ARB2A: variants seen among roughly 807,000 people sequenced by gnomAD.
ARB2A encodes cotranscriptional regulator ARB2A.
At chr5:93,626,779 C>T in the ARB2A span, among the ~76,000 whole-genome samples, 15 of 152,240 alleles carry the variant, frequency 9.9e-5, no homozygotes, top group African/African-American at 1.9e-4. Flanking sequence ...GGCTGCTGAC[C>T]GATCAGAGTG....
the ARB2A span, among the ~76,000 whole-genome samples, chr5:93,692,013 C>T: frequency 6.6e-6 from 1 of 152,194 alleles, no homozygotes; most frequent in Admixed American, 6.5e-5. Context: ...CTTACAAGAG[C>T]TCCTGAAGGA....
the ARB2A span, among the ~76,000 whole-genome samples, chr5:93,677,778 G>C: frequency 6.6e-6 from 1 of 152,144 alleles, no homozygotes; most frequent in Non-Finnish European, 1.5e-5. Context: ...CTTATGCTTA[G>C]GGATAAGCAA....
chr5:93,763,659 A>T, the ARB2A span, among the ~76,000 whole-genome samples: 1 of 152,168 alleles, frequency 6.6e-6, no homozygotes, highest in Non-Finnish European at 1.5e-5. Flanking sequence ...GTTAACAAGG[A>T]TACCCAGGAA....
the ARB2A span, among the ~76,000 whole-genome samples, chr5:93,897,568 TA>T: frequency 6.6e-6 from 1 of 151,956 alleles, no homozygotes; most frequent in Non-Finnish European, 1.5e-5. Flanking sequence ...GTTTTAAGCT[TA>T]AAAAGTAGTT....
chr5:93,782,515 T>C, the ARB2A span, among the ~76,000 whole-genome samples: 1 of 152,182 alleles, frequency 6.6e-6, no homozygotes, highest in Non-Finnish European at 1.5e-5. Flanking sequence ...TTCCAGTATG[T>C]CACCCCGTTT....
chr5:94,012,472 T>C, the ARB2A span, among the ~76,000 whole-genome samples: 2 of 152,224 alleles, frequency 1.3e-5, no homozygotes, highest in Non-Finnish European at 2.9e-5. Flanking sequence ...TTTGTGTTTC[T>C]TCTCTTACTC....
the ARB2A span, among the ~76,000 whole-genome samples, chr5:93,621,597 C>CG: frequency 6.6e-6 from 1 of 152,342 alleles, no homozygotes; most frequent in South Asian, 2.1e-4. Context: ...TCGGCGCGCG[C>CG]GGGGATTGGT....
At chr5:94,053,110 T>G in the ARB2A span, 4 of 1,416,260 alleles carry the variant, frequency 2.8e-6, no homozygotes, top group African/African-American at 5.9e-5. Flanking sequence ...GATAGATAGA[T>G]AGATAACCCA....
At chr5:93,701,558 A>T in the ARB2A span, among the ~76,000 whole-genome samples, 1 of 152,004 alleles carries the variant, frequency 6.6e-6, no homozygotes, top group Non-Finnish European at 1.5e-5. Flanking sequence ...CTCCTTCAAA[A>T]TTCCAAACCA....
At chr5:93,770,103 AT>A in the ARB2A span, among the ~76,000 whole-genome samples, 1 of 152,164 alleles carries the variant, frequency 6.6e-6, no homozygotes. Context: ...ATCTTTAGAA[AT>A]AGATGCTCTT....
the ARB2A span, among the ~76,000 whole-genome samples, chr5:93,847,777 G>T: frequency 6.6e-6 from 1 of 152,262 alleles, no homozygotes; most frequent in Admixed American, 6.5e-5. Flanking sequence ...GCACAGAAAG[G>T]TTGAATCACT....
the ARB2A span, among the ~76,000 whole-genome samples, chr5:93,775,190 C>T: frequency 2.6e-5 from 4 of 151,814 alleles, no homozygotes; most frequent in Admixed American, 6.6e-5. Flanking sequence ...ATGACAGTGA[C>T]GTTTAATTAT....
the ARB2A span, among the ~76,000 whole-genome samples, chr5:93,892,147 A>G: frequency 6.6e-6 from 1 of 152,226 alleles, no homozygotes; most frequent in Non-Finnish European, 1.5e-5. Flanking sequence ...GTTGAAGTGC[A>G]GAATCTGCTT....
At chr5:93,724,734 G>A in the ARB2A span, among the ~76,000 whole-genome samples, 1 of 151,982 alleles carries the variant, frequency 6.6e-6, no homozygotes, top group African/African-American at 2.4e-5. Context: ...TACATATACA[G>A]TGTTTTGTTT....
At chr5:93,709,020 T>C in the ARB2A span, among the ~76,000 whole-genome samples, 2 of 151,970 alleles carry the variant, frequency 1.3e-5, no homozygotes, top group African/African-American at 4.8e-5. Context: ...GTAAGTGTTC[T>C]TACCACCCAC....
the ARB2A span, among the ~76,000 whole-genome samples, chr5:93,690,523 G>A: frequency 6.6e-6 from 1 of 152,120 alleles, no homozygotes; most frequent in Non-Finnish European, 1.5e-5. Context: ...CTCTGGGCAG[G>A]GCATCTCTGA....
chr5:94,042,082 T>C, the ARB2A span, among the ~76,000 whole-genome samples: 1 of 152,216 alleles, frequency 6.6e-6, no homozygotes, highest in Non-Finnish European at 1.5e-5. Flanking sequence ...GTGAATTTCC[T>C]GCCTAGATTA....
At chr5:94,016,330 A>G in the ARB2A span, among the ~76,000 whole-genome samples, 1 of 152,210 alleles carries the variant, frequency 6.6e-6, no homozygotes, top group Non-Finnish European at 1.5e-5. Flanking sequence ...AAGTATTATG[A>G]AAGTGGCTAA....
At chr5:93,659,485 T>C in the ARB2A span, among the ~76,000 whole-genome samples, 1 of 152,122 alleles carries the variant, frequency 6.6e-6, no homozygotes. Flanking sequence ...AAACTGAGTT[T>C]GGGAGATGTT....
Sources: allele counts gnomAD v4.1 joint callset (sites outside exome capture counted in the v4.1 genomes callset), GRCh38; gene constraint gnomAD v4.1.1; transcripts MANE v1.5; gene names NCBI Gene and HGNC (gene_info 2026-07-23, HGNC 2026-07-21).